Variants in RANBP1 observed in about 807,000 individuals in gnomAD.
The protein encoded by RANBP1 is RAN binding protein 1.
RANBP1 carries 16 observed loss-of-function variants against 31.4 expected under a neutral mutation model. The ratio of observed to expected loss-of-function variants is 0.51; its 90% CI spans 0.34 to 0.77. The LOEUF is 0.77. Ranked by LOEUF, RANBP1 falls within the 30% of genes least tolerant of loss-of-function variation. The pLI, the probability that RANBP1 is intolerant of heterozygous loss-of-function variation, is 0.01. For synonymous variants in RANBP1, 129 were observed against 140.5 expected, an observed-to-expected ratio of 0.92 and a Z score of 0.58; for missense variants, 265 against 362.0, an observed-to-expected ratio of 0.73 and a Z score of 2.17.
In RANBP1 at chr22:20,127,251, T is replaced by C. The variant is rs117805074; in HGVS notation, c.*199T>C. 2.0e-3 allele frequency: 840 copies of C among 422,492 alleles called. 13 individuals carry two copies. In the East Asian group the frequency reaches 0.022, roughly 11 times the overall value. 26.2% of individuals were successfully genotyped at this position (422,492 alleles called of 1,614,324 possible). On this transcript the variant is annotated 3_prime_UTR_variant, in exon 6 of 6. Transcript: ENST00000430524. ...ATTGAAGATGACTTCAGAAAATCCA[T>C]TCCCCAGTCATGAAAATGTACTGTG...
intron 1 of RANBP1, chr22:20,116,786 C>G: frequency 6.9e-7 from 1 of 1,455,808 alleles, no homozygotes; most frequent in Non-Finnish European, 9.4e-7. Context: ...CCTATCGCAC[C>G]TGCCTCGTCC....
At chr22:20,121,569 T>C (rs1379687417) in intron 2 of RANBP1, among the ~76,000 whole-genome samples, 2 of 151,032 alleles carry the variant, frequency 1.3e-5, no homozygotes, top group African/African-American at 4.9e-5. Flanking sequence ...TTTTTTAAAA[T>C]AGGGTCTCAC....
In RANBP1 at chr22:20,119,456, C is replaced by CCA. The variant is rs2050127843; in HGVS notation, c.383+307_383+308insCA. 8.7e-6 allele frequency: 3 copies of CCA among 342,912 alleles called. No homozygotes were observed. The East Asian group carries it at 1.9e-4, about 21-fold the overall frequency. 21.2% of individuals were successfully genotyped at this position (342,912 alleles called of 1,614,324 possible). A position where few individuals can be genotyped will look rare whatever the true frequency, so the allele number is the denominator to read the frequency against. On this transcript the variant is annotated intron_variant, in intron 2 of 5. Transcript: ENST00000430524. ...GGATCCAGGGAGTCCCTTGGTTGAGCAGGGGGTTTTAAGTTTTTGCAGCAT... is the reference window on the plus strand; with the variant it reads ...GGATCCAGGGAGTCCCTTGGTTGAGCCAAGGGGGTTTTAAGTTTTTGCAGCAT...
intron 4 of RANBP1, chr22:20,125,689 C>T: frequency 2.9e-6 from 4 of 1,360,336 alleles, no homozygotes; most frequent in Non-Finnish European, 3.8e-6. Context: ...CGCCTTGTGG[C>T]TGGCACTTTG....
chr22:20,116,217 A>G lies in RANBP1; in HGVS notation c.33A>G (p.Thr11=). The change falls in exon 1 of 6, where the codon ACA becomes ACG. Residue 11 remains threonine, a synonymous_variant. Transcript: ENST00000430524. MGSALGRARR[T]LSGRPFQRAP... is the part of the protein sequence containing the mutation. The stretch of plus-strand genomic sequence containing the variant: ...CGGCCTTGGGCCGGGCCAGGCGCAC[A>G]CTGAGTGGGCGGCCTTTCCAGAGGG... The G allele has an allele frequency of 2.5e-6, 4 of 1,612,978 alleles. No individual in the cohort carries two copies. The highest frequency in any genetic ancestry group is 3.4e-6 in the Non-Finnish European group (4 of 1,180,012).
At position 20,127,031 on chromosome 22, in the gene RANBP1, G is replaced by T. The variant is rs772185902; in HGVS notation, c.816G>T (p.Glu272Asp). ...TCTCGGTGAAGGAGGAGACCAAGGA[G>T]GATGCTGAGGAGAAGCAATAAATCG... ...EALSVKEETKEDAEEKQ is the reference protein window; with the variant it reads ...EALSVKEETKDDAEEKQ The change falls in exon 6 of 6, where the codon GAG (glutamate) becomes GAT (aspartate). Residue 272 changes from glutamate (E) to aspartate (D), a missense_variant. Around this residue, in one of 3 missense-constraint regions of RANBP1, gnomAD observed 49 missense variants for 47.9 expected, o/e 1.02. Coordinates refer to ENST00000430524, the MANE Select transcript of RANBP1 (RefSeq NM_001278639.2). 6.2e-7 allele frequency: 1 copy of T among 1,611,772 alleles called. No individual in the cohort carries two copies. The highest frequency in any genetic ancestry group is 1.7e-5 in the Admixed American group (1 of 59,428).
chr22:20,116,262 G>T lies in RANBP1; in HGVS notation c.78G>T (p.Arg26Ser). The change falls in exon 1 of 6, where the codon AGG (arginine) becomes AGT (serine). Residue 26 changes from arginine (R) to serine (S), a missense_variant. Arg to Ser is a moderately radical substitution (Grantham distance 110, BLOSUM62 -1). This residue lies in a region of RANBP1 where 126 missense variants were observed against 123.6 expected (regional missense o/e 1.02). Coordinates refer to ENST00000430524, the MANE Select transcript of RANBP1 (RefSeq NM_001278639.2). ...PFQRAPCKTR[R>S]ALSLSAALRN... is the part of the protein sequence containing the mutation. ...AGAGGGCACCATGCAAAACGCGCAGGGCCTTGTCCCTCTCTGCAGCGCTGC... is the reference window on the plus strand; with the variant it reads ...AGAGGGCACCATGCAAAACGCGCAGTGCCTTGTCCCTCTCTGCAGCGCTGC... 6.2e-7 allele frequency: 1 copy of T among 1,612,962 alleles called. No homozygotes were observed. The highest frequency in any genetic ancestry group is 8.5e-7 in the Non-Finnish European group (1 of 1,180,016).
chr22:20,122,851 G>A (rs906781764), intron 3 of RANBP1, among the ~76,000 whole-genome samples: 10 of 143,476 alleles, frequency 7.0e-5, no homozygotes, highest in South Asian at 4.7e-4. Flanking sequence ...ACTGGTGGTG[G>A]TGTATAGGGG....
chr22:20,125,251 T>G, intron 3 of RANBP1, 57 bp from the exon 4 acceptor site: 1 of 1,604,072 alleles, frequency 6.2e-7, no homozygotes, highest in Non-Finnish European at 8.5e-7. Flanking sequence ...GGCCGAGGGC[T>G]GGGTGGGCTG....
chr22:20,122,205 CGCAGGCCCTGCAT>C, intron 2 of RANBP1, 46 bp from the exon 3 acceptor site: 1 of 1,576,964 alleles, frequency 6.3e-7, no homozygotes, highest in Non-Finnish European at 8.7e-7. Flanking sequence ...TGTCCTCCTG[CGCAGGCCCTGCAT>C]GTGGGCTGCA....
At chr22:20,118,918 C>A in intron 1 of RANBP1, 95 bp from the exon 2 acceptor site, 1 of 1,319,492 alleles carries the variant, frequency 7.6e-7, no homozygotes, top group Non-Finnish European at 1.0e-6. Flanking sequence ...GAAGTCCCTT[C>A]ATTGTCGGAG....
intron 1 of RANBP1, chr22:20,118,434 C>G (rs1047357035): frequency 1.2e-5 from 10 of 854,596 alleles, no homozygotes; most frequent in Middle Eastern, 3.3e-4. Context: ...ACTTAGTTTT[C>G]TGAACTGTGA....
At chr22:20,116,969 G>C in intron 1 of RANBP1, 7 of 1,556,442 alleles carry the variant, frequency 4.5e-6, no homozygotes, top group Non-Finnish European at 6.1e-6. Flanking sequence ...ACCTCGTCCT[G>C]GGCCTGTCAC....
In RANBP1 at chr22:20,116,392, C is replaced by T. The variant is rs138578557; in HGVS notation, c.208C>T (p.Arg70Ter). 2.7e-4 allele frequency: 434 copies of T among 1,611,814 alleles called. 3 individuals carry two copies. In the East Asian group the frequency reaches 8.3e-3, roughly 31 times the overall value. Reference sequence around the variant, plus strand: ...CCGGACGTCGCTGAAGCTGGCGTGGCGAGGCACGTTCTGCAGCTCCAGTTT... The same window carrying T: ...CCGGACGTCGCTGAAGCTGGCGTGGTGAGGCACGTTCTGCAGCTCCAGTTT... ...KRRTSLKLAW[R>*]GTFCSSSLKI... The change falls in exon 1 of 6, where the codon CGA (arginine) becomes TGA (stop). Residue 70 changes from arginine to a stop codon, truncating the protein, a stop_gained. Transcript: ENST00000430524. LOFTEE classifies it high-confidence loss of function.
At chr22:20,122,213 C>T (rs1299771669) in intron 2 of RANBP1, 51 bp from the exon 3 acceptor site, 2 of 1,592,328 alleles carry the variant, frequency 1.3e-6, no homozygotes, top group African/African-American at 2.7e-5. Flanking sequence ...TGCGCAGGCC[C>T]TGCATGTGGG....
chr22:20,122,727 G>C (rs2050201534), intron 3 of RANBP1: 1 of 819,074 alleles, frequency 1.2e-6, no homozygotes, highest in Non-Finnish European at 1.5e-6. Flanking sequence ...GGGGTGCTGT[G>C]TGTGTGTGTG....
intron 3 of RANBP1, among the ~76,000 whole-genome samples, chr22:20,123,006 T>C (rs1368366935): frequency 1.1e-3 from 60 of 55,874 alleles, no homozygotes; most frequent in Middle Eastern, 0.015. Flanking sequence ...TGGTGGGGTA[T>C]GTGGTTGGGT....
chr22:20,125,868 C>T (rs1248432800), intron 4 of RANBP1, among the ~76,000 whole-genome samples: 1 of 152,270 alleles, frequency 6.6e-6, no homozygotes, highest in African/African-American at 2.4e-5. Flanking sequence ...TCCACAGGCC[C>T]AGGCTGATCT....
chr22:20,120,048 C>T (rs1827178076), intron 2 of RANBP1, among the ~76,000 whole-genome samples: 1 of 152,180 alleles, frequency 6.6e-6, no homozygotes, highest in African/African-American at 2.4e-5. Flanking sequence ...AGTTACACAC[C>T]TCAGTGAAAA....
Sources: allele counts gnomAD v4.1 joint callset (sites outside exome capture counted in the v4.1 genomes callset), GRCh38; gene constraint gnomAD v4.1.1; regional missense constraint gnomAD v4.1.1; transcripts MANE v1.5; gene names NCBI Gene and HGNC (gene_info 2026-07-23, HGNC 2026-07-21).